The following MYOM2 variants were observed in gnomAD, a reference collection of about 807,000 sequenced individuals.
The protein encoded by MYOM2 is myomesin 2, also known as myomesin-2.
In MYOM2, 254 loss-of-function variants were observed where a neutral mutation model predicts 187.6. The observed-to-expected ratio is 1.35, with a 90% confidence interval of 1.22 to 1.50. The LOEUF is 1.50. Among genes scored for constraint, MYOM2 ranks in the 40% most tolerant of loss-of-function variants. The probability of loss-of-function intolerance (pLI) is 0.00; values close to 1 mark genes in which losing one functional copy is unlikely to be tolerated. For synonymous variants in MYOM2, 981 were observed against 753.8 expected, an observed-to-expected ratio of 1.30 and a Z score of -4.94; for missense variants, 2,796 against 1,924.0, an observed-to-expected ratio of 1.45 and a Z score of -8.48.
At chr8:2,099,991 C>G (rs1045753724) in intron 19 of MYOM2, among the ~76,000 whole-genome samples, 1 of 128,688 alleles carries the variant, frequency 7.8e-6, no homozygotes, top group Non-Finnish European at 1.8e-5. Context: ...TTCCTTCCTT[C>G]CTTCTTTCCT....
At chr8:2,138,254 C>T (rs62480013) in intron 32 of MYOM2, among the ~76,000 whole-genome samples, 7,531 of 152,292 alleles carry the variant, frequency 0.049, 572 homozygotes, top group African/African-American at 0.15. Context: ...ACTCTCGGCC[C>T]GGCCGGCTCT....
chr8:2,111,213 C>T (rs4876226), intron 25 of MYOM2, among the ~76,000 whole-genome samples: 42,366 of 152,186 alleles, frequency 0.28, 5,926 homozygotes, highest in Admixed American at 0.34. Flanking sequence ...TACTATTTCA[C>T]TTCTTTAATT....
chr8:2,138,940 C>T (rs1447185465), intron 32 of MYOM2, among the ~76,000 whole-genome samples: 1 of 151,914 alleles, frequency 6.6e-6, no homozygotes, highest in Non-Finnish European at 1.5e-5. Flanking sequence ...TCTATCCGGA[C>T]AGACTCAGTT....
chr8:2,110,073 C>G (rs11136466), intron 25 of MYOM2, among the ~76,000 whole-genome samples: 59,903 of 152,060 alleles, frequency 0.39, 15,547 homozygotes, highest in African/African-American at 0.73. Context: ...CTGTAATCTC[C>G]TCACTTTGGG....
chr8:2,076,596 G>A (rs1819432021), intron 11 of MYOM2: 2 of 304,530 alleles, frequency 6.6e-6, no homozygotes, highest in Non-Finnish European at 1.2e-5. Context: ...TTCTGCTGAG[G>A]TCCGGGCTGT....
intron 19 of MYOM2, 89 bp downstream of exon 19, chr8:2,099,072 C>A: frequency 6.9e-7 from 1 of 1,446,192 alleles, no homozygotes; most frequent in Non-Finnish European, 9.2e-7. Context: ...ACTCGCCAGC[C>A]TTCACAGCGT....
chr8:2,074,948 G>A (rs1446630639), intron 10 of MYOM2, among the ~76,000 whole-genome samples: 4 of 152,212 alleles, frequency 2.6e-5, no homozygotes, highest in African/African-American at 7.2e-5. Context: ...GCTCCATCCC[G>A]ATCAGCCGGG....
intron 23 of MYOM2, 50 bp downstream of exon 23, chr8:2,106,647 C>A: frequency 7.8e-7 from 1 of 1,279,578 alleles, no homozygotes; most frequent in Non-Finnish European, 1.1e-6. Flanking sequence ...ATCACACTTT[C>A]AAAGATTGAC....
At chr8:2,139,929 A>G (rs1284951177) in intron 32 of MYOM2, among the ~76,000 whole-genome samples, 1 of 152,218 alleles carries the variant, frequency 6.6e-6, no homozygotes, top group Admixed American at 6.5e-5. Context: ...CACATAATGT[A>G]AAAGTGAGCA....
At chr8:2,050,637 C>T (rs1818450945) in intron 1 of MYOM2, 118 bp from the exon 2 acceptor site, 1 of 554,788 alleles carries the variant, frequency 1.8e-6, no homozygotes, top group Non-Finnish European at 3.2e-6. Context: ...CATTTTTTCC[C>T]TTCCCAAGGG....
At chr8:2,098,728 G>T (rs1443279738) in intron 18 of MYOM2, 129 bp from the exon 19 acceptor site, 6 of 1,047,242 alleles carry the variant, frequency 5.7e-6, no homozygotes, top group South Asian at 3.7e-5. Flanking sequence ...GAAATATTTG[G>T]TCCAATTTCC....
rs780995658 is a variant in MYOM2 at position 2,072,495 on chromosome 8, A to T, written c.944A>T (p.Glu315Val). Residue 315 changes from glutamate to valine, a missense_variant, in exon 9 of 37, where the codon GAG becomes GTG. Physicochemically the swap from Glu to Val is moderately radical, Grantham distance 121. Coordinates refer to ENST00000262113, the MANE Select transcript of MYOM2 (RefSeq NM_003970.4). Reference sequence around the variant, plus strand: ...CTGAAGCGGGTGCAGCCGCGCGCCGAGTGGTACCGCGATGGTGAGTAGGAC... The same window carrying T: ...CTGAAGCGGGTGCAGCCGCGCGCCGTGTGGTACCGCGATGGTGAGTAGGAC... ...PDLKRVQPRAEWYRDDVLLKE... is the reference protein window; with the variant it reads ...PDLKRVQPRAVWYRDDVLLKE... The T allele has an allele frequency of 1.9e-6, 3 of 1,613,464 alleles. No individual in the cohort carries two copies. The South Asian group carries it at 3.3e-5, about 18-fold the overall frequency.
In MYOM2 at chr8:2,072,333, G is replaced by A. The variant is rs764931863; in HGVS notation, c.794-12G>A. 14 of 1,612,086 alleles carry A rather than the reference G, an allele frequency of 8.7e-6. No homozygotes were observed. Among genetic ancestry groups the A allele is most frequent in the Middle Eastern group, 1.6e-4 (1 of 6,078 alleles). The stretch of plus-strand genomic sequence containing the variant: ...CCCTTCGGCCCTGAAAGCCTCCATC[G>A]TTTCTGTGCAGTGCCCCTGTCATCG... On this transcript the variant is annotated splice_polypyrimidine_tract_variant and intron_variant, in intron 8 of 36. Transcript: ENST00000262113.
At chr8:2,091,016 CTTTTTTT>C (rs35873643) in intron 15 of MYOM2, among the ~76,000 whole-genome samples, 1 of 86,526 alleles carries the variant, frequency 1.2e-5, no homozygotes, top group Non-Finnish European at 2.1e-5. Flanking sequence ...AATGATAGTT[CTTTTTTT>C]TTTTTTTTTT....
chr8:2,115,047 A>G (rs1414046911), intron 25 of MYOM2, among the ~76,000 whole-genome samples: 1 of 144,098 alleles, frequency 6.9e-6, no homozygotes, highest in Non-Finnish European at 1.5e-5. Flanking sequence ...TTTCATTAGA[A>G]TTAGAGTTAT....
At chr8:2,099,055 A>C in intron 19 of MYOM2, 72 bp downstream of exon 19, 1 of 1,473,652 alleles carries the variant, frequency 6.8e-7, no homozygotes, top group Admixed American at 2.3e-5. Context: ...TGTGGCTGCG[A>C]CTCTGGACTC....
In MYOM2 at chr8:2,094,085, G is replaced by A. The variant is rs763643341; in HGVS notation, c.2119G>A (p.Ala707Thr). The change falls in exon 17 of 37, where the codon GCA becomes ACA. Residue 707 changes from alanine (A) to threonine (T), a missense_variant. Coordinates refer to ENST00000262113, the MANE Select transcript of MYOM2 (RefSeq NM_003970.4). ...ATCAGACGTCATAAAAGTGCAGGCC[G>A]CACTCAGTAAGTCACTCACAGGCTG... ...QESDVIKVQA[A>T]LTVPSHPYGI... 146 of 1,613,930 alleles carry A rather than the reference G, an allele frequency of 9.0e-5. No individual in the cohort carries two copies. Among genetic ancestry groups the A allele is most frequent in the Non-Finnish European group, 7.6e-5 (90 of 1,180,006 alleles).
At chr8:2,084,542 C>G (rs1164066193) in intron 13 of MYOM2, among the ~76,000 whole-genome samples, 1 of 152,104 alleles carries the variant, frequency 6.6e-6, no homozygotes, top group East Asian at 1.9e-4. Flanking sequence ...ACCTCCACCT[C>G]CACTCCTTAT....
chr8:2,080,380 A>G (rs757262871), intron 13 of MYOM2, among the ~76,000 whole-genome samples: 9 of 152,248 alleles, frequency 5.9e-5, no homozygotes, highest in Non-Finnish European at 1.0e-4. Context: ...ATGGATCCCC[A>G]ACTAGTATCC....
Sources: gnomAD v4.1 joint callset for allele counts (sites outside exome capture counted in the v4.1 genomes callset) on GRCh38, gnomAD v4.1.1 for gene constraint, MANE v1.5 for transcripts, NCBI Gene and HGNC (gene_info 2026-07-23, HGNC 2026-07-21) for gene names.